The following KIRREL3 variants were observed in gnomAD, a reference collection of about 807,000 sequenced individuals.
KIRREL3 encodes kirre like nephrin family adhesion molecule 3.
In KIRREL3, 36 loss-of-function variants were observed where a neutral mutation model predicts 89.7. The ratio of observed to expected loss-of-function variants is 0.40; its 90% CI spans 0.31 to 0.53. KIRREL3 has a LOEUF of 0.53. Ranked by LOEUF, KIRREL3 falls within the 20% of genes least tolerant of loss-of-function variation. The probability of loss-of-function intolerance (pLI) is 0.49; values close to 1 mark genes in which losing one functional copy is unlikely to be tolerated. For missense variants in KIRREL3, 864 were observed against 1,056.6 expected, an observed-to-expected ratio of 0.82 and a Z score of 2.53; for synonymous variants, 445 against 441.4, an observed-to-expected ratio of 1.01 and a Z score of -0.10.
chr11:126,915,274 A>G (rs1265842966), intron 1 of KIRREL3, among the ~76,000 whole-genome samples: 3 of 152,212 alleles, frequency 2.0e-5, no homozygotes, highest in African/African-American at 7.2e-5. Flanking sequence ...TTGAAGTCCA[A>G]TAACTCTCCT....
intron 1 of KIRREL3, among the ~76,000 whole-genome samples, chr11:126,930,787 T>C (rs968910736): frequency 3.3e-5 from 5 of 152,178 alleles, no homozygotes; most frequent in Non-Finnish European, 5.9e-5. Flanking sequence ...CTGGTTGTGT[T>C]ACTGTCCTGC....
At chr11:126,721,710 G>A (rs1948178348) in intron 1 of KIRREL3, among the ~76,000 whole-genome samples, 1 of 152,184 alleles carries the variant, frequency 6.6e-6, no homozygotes, top group Non-Finnish European at 1.5e-5. Flanking sequence ...CAGGGGATGA[G>A]CTTGAGCCCC....
chr11:126,743,770 T>G (rs943063235), intron 1 of KIRREL3, among the ~76,000 whole-genome samples: 1 of 152,234 alleles, frequency 6.6e-6, no homozygotes, highest in East Asian at 1.9e-4. Flanking sequence ...TGAGATAATC[T>G]GGCTGAGTTG....
intron 1 of KIRREL3, among the ~76,000 whole-genome samples, chr11:126,884,013 A>G (rs1201985978): frequency 6.6e-6 from 1 of 152,212 alleles, no homozygotes; most frequent in Non-Finnish European, 1.5e-5. Flanking sequence ...GGGGAGATTG[A>G]CAAGTGATTG....
rs929557041 is a variant in KIRREL3, at chr11:126,575,002, G to A, written c.56-12090C>T. Among the ~76,000 whole-genome samples, 1 of 152,172 alleles carries A rather than the reference G, an allele frequency of 6.6e-6. No individual in the cohort carries two copies. Among genetic ancestry groups the A allele is most frequent in the African/African-American group, 2.4e-5 (1 of 41,438 alleles). On this transcript the variant is annotated intron_variant, in intron 1 of 16. Coordinates refer to ENST00000525144, the MANE Select transcript of KIRREL3 (RefSeq NM_032531.4). This position sits in a 1 kb window ranked among gnomAD's most constrained non-coding sequence, Gnocchi z 7.0. ...CCTATTTACCCCTATGAACCACTGGGGTTCTTGACTCAGGCTCTGTCAGTC... is the reference window on the plus strand; with the variant it reads ...CCTATTTACCCCTATGAACCACTGGAGTTCTTGACTCAGGCTCTGTCAGTC...
chr11:126,829,366 C>A (rs1946072), intron 1 of KIRREL3, among the ~76,000 whole-genome samples: 14 of 152,048 alleles, frequency 9.2e-5, no homozygotes, highest in Admixed American at 9.2e-4. Context: ...TGCGGGTACA[C>A]CATTCATGAA....
chr11:126,712,061 C>T (rs1027596424), intron 1 of KIRREL3, among the ~76,000 whole-genome samples: 3 of 152,232 alleles, frequency 2.0e-5, no homozygotes, highest in Non-Finnish European at 4.4e-5. Flanking sequence ...ACGCCCCACT[C>T]CCAGTGGTCC....
chr11:126,448,325 C>T (rs1471740012), intron 8 of KIRREL3, among the ~76,000 whole-genome samples: 4 of 150,228 alleles, frequency 2.7e-5, no homozygotes, highest in East Asian at 1.9e-4. Context: ...AAAGAAGGTA[C>T]GTCCGTGAGT....
chr11:126,822,229 C>T (rs1943249202), intron 1 of KIRREL3, among the ~76,000 whole-genome samples: 1 of 152,098 alleles, frequency 6.6e-6, no homozygotes, highest in African/African-American at 2.4e-5. Context: ...AATGCTGAGA[C>T]ATAGTAAGGG....
rs917636829 is a variant in KIRREL3, at chr11:126,703,680, G to C, written c.56-140768C>G. On this transcript the variant is annotated intron_variant, in intron 1 of 16. Coordinates refer to ENST00000525144, the MANE Select transcript of KIRREL3 (RefSeq NM_032531.4). This position sits in a 1 kb window ranked among gnomAD's most constrained non-coding sequence, Gnocchi z 4.6. ...AGATGTCTGTTTTCCTGAGGCCCAC[G>C]GGCAGGGGAGGCAGGACTCCTAAGC... Among the ~76,000 whole-genome samples, 1 of 152,166 alleles carries C rather than the reference G, an allele frequency of 6.6e-6. No individual in the cohort carries two copies. The highest frequency in any genetic ancestry group is 1.5e-5 in the Non-Finnish European group (1 of 68,036).
At chr11:126,661,939 C>G (rs1945422414) in intron 1 of KIRREL3, among the ~76,000 whole-genome samples, 2 of 152,254 alleles carry the variant, frequency 1.3e-5, no homozygotes, top group South Asian at 4.1e-4. Context: ...TTCGAAACAG[C>G]ATTCTTCTTC....
intron 1 of KIRREL3, among the ~76,000 whole-genome samples, chr11:126,926,627 C>A (rs555531385): frequency 1.3e-5 from 2 of 152,270 alleles, no homozygotes; most frequent in Non-Finnish European, 2.9e-5. Context: ...TGCCAGAGCT[C>A]TGCCTGGAAG....
In KIRREL3 at chr11:126,614,161, T is replaced by A. The variant is rs1943251291; in HGVS notation, c.56-51249A>T. Among the ~76,000 whole-genome samples the A allele has an allele frequency of 6.6e-6, 1 of 152,002 alleles. No homozygotes were observed. The highest frequency in any genetic ancestry group is 1.5e-5 in the Non-Finnish European group (1 of 67,978). ...GAAGATTTATAAAAGAGAAGGGGGA[T>A]TAACATGTGCGCTTTAAGGGTTGGA... On this transcript the variant is annotated intron_variant, in intron 1 of 16. Transcript: ENST00000525144. The surrounding 1 kb of genome is among the most constrained non-coding windows in gnomAD (Gnocchi z 4.6).
intron 1 of KIRREL3, among the ~76,000 whole-genome samples, chr11:126,648,028 T>G (rs1046415696): frequency 1.3e-5 from 2 of 152,326 alleles, no homozygotes; most frequent in African/African-American, 4.8e-5. Context: ...AGGAGGTGAT[T>G]GGATCACAGG....
In KIRREL3 at chr11:126,877,023, G is replaced by A. The variant is rs566667056; in HGVS notation, c.55+123432C>T. On this transcript the variant is annotated intron_variant, in intron 1 of 16. Transcript: ENST00000525144. This position sits in a 1 kb window ranked among gnomAD's most constrained non-coding sequence, Gnocchi z 4.9. ...AGATAAGGAAGAGGTGCAAGCTGCT[G>A]AGGTCTGCATAAGAATAAAGGTTGG... 6.6e-6 allele frequency among the ~76,000 whole-genome samples: 1 copy of A among 152,316 alleles called. No homozygotes were observed. Among genetic ancestry groups the A allele is most frequent in the East Asian group, 1.9e-4 (1 of 5,172 alleles).
chr11:126,514,813 CCAACACAACACAACACAACA>C (rs61108090), intron 4 of KIRREL3, among the ~76,000 whole-genome samples: 26 of 145,776 alleles, frequency 1.8e-4, no homozygotes, highest in Non-Finnish European at 2.8e-4. Context: ...CATTGCCTCT[CCAACACAACACAACACAACA>C]CAACACAACA....
At chr11:126,617,118 G>T (rs1340971563) in intron 1 of KIRREL3, among the ~76,000 whole-genome samples, 1 of 152,228 alleles carries the variant, frequency 6.6e-6, no homozygotes. Context: ...ATAAATTTTG[G>T]GGAATGGCCA....
intron 1 of KIRREL3, among the ~76,000 whole-genome samples, chr11:126,741,670 T>C (rs1948988097): frequency 6.6e-6 from 1 of 152,240 alleles, no homozygotes; most frequent in African/African-American, 2.4e-5. Context: ...AATCAGACTC[T>C]TGTGCATAGA....
rs370202591 is a variant in KIRREL3, at chr11:126,449,117, C to T, written c.889G>A (p.Glu297Lys). The change falls in exon 8 of 17, where the codon GAG (glutamate) becomes AAG (lysine). Residue 297 changes from glutamate (E) to lysine (K), a missense_variant. Coordinates refer to ENST00000525144, the MANE Select transcript of KIRREL3 (RefSeq NM_032531.4). The stretch of plus-strand genomic sequence containing the variant: ...TAGTCCACTGTGGTCCTGTACACCT[C>T]TCCAGATGCCTCCTTGATGATCTGG... ...RGQIIKEASG[E>K]VYRTTVDYTY... is the part of the protein sequence containing the mutation. 1.2e-6 allele frequency: 2 copies of T among 1,613,834 alleles called. No individual in the cohort carries two copies. Among genetic ancestry groups the T allele is most frequent in the African/African-American group, 2.7e-5 (2 of 74,928 alleles).
Sources: gnomAD v4.1 joint callset for allele counts (sites outside exome capture counted in the v4.1 genomes callset) on GRCh38, gnomAD v4.1.1 for gene constraint, Gnocchi (gnomAD v3.1) non-coding constraint, MANE v1.5 for transcripts, NCBI Gene and HGNC (gene_info 2026-07-23, HGNC 2026-07-21) for gene names.